The following SCHIP1 variants were observed in gnomAD, a reference collection of about 807,000 sequenced individuals.
SCHIP1 encodes the protein schwannomin interacting protein 1.
A neutral mutation model predicts 29.7 loss-of-function variants in SCHIP1; 8 were observed. The observed-to-expected ratio is 0.27, with a 90% CI of 0.16 to 0.49. The LOEUF is 0.49. Among genes scored for constraint, SCHIP1 ranks in the 20% least tolerant of loss-of-function variants. SCHIP1 has a pLI of 0.99. For missense variants in SCHIP1, 193 were observed against 294.6 expected (o/e 0.66, Z 2.52); for synonymous variants, 76 against 94.9 (o/e 0.80, Z 1.16).
chr3:159,667,439 G>A, the SCHIP1 span, among the ~76,000 whole-genome samples: 8 of 152,202 alleles, frequency 5.3e-5, no homozygotes, highest in Admixed American at 1.3e-4. Context: ...GAACCTGTAC[G>A]TGTTGTGGGT....
chr3:159,660,538 AT>A, the SCHIP1 span, among the ~76,000 whole-genome samples: 51 of 152,270 alleles, frequency 3.3e-4, no homozygotes, highest in Admixed American at 3.2e-3. Flanking sequence ...GTGTGGGTAT[AT>A]TTTATACACA....
At chr3:159,853,295 A>G (rs916957622) in intron 1 of SCHIP1, 1 of 619,364 alleles carries the variant, frequency 1.6e-6, no homozygotes, top group African/African-American at 1.9e-5. Flanking sequence ...TATGAGCAGT[A>G]ACCAGGGAAC....
the SCHIP1 span, among the ~76,000 whole-genome samples, chr3:159,374,798 G>A: frequency 6.6e-6 from 1 of 152,054 alleles, no homozygotes; most frequent in Non-Finnish European, 1.5e-5. Flanking sequence ...CTAGATCTGT[G>A]GACTAAAGTA....
chr3:159,448,120 C>A, the SCHIP1 span, among the ~76,000 whole-genome samples: 21 of 152,182 alleles, frequency 1.4e-4, no homozygotes, highest in Non-Finnish European at 2.5e-4. Context: ...TCTTCCTTGA[C>A]CACCTGATGA....
At chr3:159,407,240 C>G in the SCHIP1 span, among the ~76,000 whole-genome samples, 3 of 152,158 alleles carry the variant, frequency 2.0e-5, no homozygotes, top group African/African-American at 7.2e-5. Context: ...AGTAGCTATA[C>G]TTATATCAGA....
chr3:159,452,482 A>G, the SCHIP1 span, among the ~76,000 whole-genome samples: 1 of 152,172 alleles, frequency 6.6e-6, no homozygotes, highest in African/African-American at 2.4e-5. Flanking sequence ...ACATGAACTC[A>G]TTCTTTTTTA....
At chr3:159,563,140 G>A in the SCHIP1 span, among the ~76,000 whole-genome samples, 3 of 152,192 alleles carry the variant, frequency 2.0e-5, no homozygotes, top group Non-Finnish European at 2.9e-5. Context: ...TTCAGAGAAC[G>A]TCAGCTCCCT....
At chr3:159,340,586 A>G in the SCHIP1 span, among the ~76,000 whole-genome samples, 1 of 152,172 alleles carries the variant, frequency 6.6e-6, no homozygotes, top group Non-Finnish European at 1.5e-5. Context: ...ATAGAATTCT[A>G]TAAAGTAAAA....
At chr3:159,689,271 C>A in the SCHIP1 span, among the ~76,000 whole-genome samples, 1 of 152,236 alleles carries the variant, frequency 6.6e-6, no homozygotes, top group South Asian at 2.1e-4. Flanking sequence ...TCTCTTATTT[C>A]CTTGAACAGT....
chr3:159,315,346 C>T, the SCHIP1 span, among the ~76,000 whole-genome samples: 4 of 150,892 alleles, frequency 2.7e-5, no homozygotes, highest in Admixed American at 2.0e-4. Flanking sequence ...CTACAGGCAC[C>T]CACCACTATG....
the SCHIP1 span, among the ~76,000 whole-genome samples, chr3:159,454,638 A>T: frequency 6.6e-6 from 1 of 152,224 alleles, no homozygotes; most frequent in African/African-American, 2.4e-5. Flanking sequence ...TAGAATTTCC[A>T]TGGTCTCAGA....
upstream of SCHIP1, among the ~76,000 whole-genome samples, chr3:159,835,278 C>T (rs1446857732): frequency 6.6e-6 from 1 of 152,126 alleles, no homozygotes; most frequent in Admixed American, 6.5e-5. Flanking sequence ...AAGTCATATC[C>T]TCAGGCCATC....
chr3:159,814,488 A>G, the SCHIP1 span, among the ~76,000 whole-genome samples: 1 of 152,250 alleles, frequency 6.6e-6, no homozygotes, highest in Non-Finnish European at 1.5e-5. Context: ...CGGGTATAGC[A>G]GAGAGTAAAC....
the SCHIP1 span, among the ~76,000 whole-genome samples, chr3:159,591,863 C>T: frequency 1.3e-5 from 2 of 151,850 alleles, no homozygotes; most frequent in Non-Finnish European, 2.9e-5. Context: ...TGCAGCAAAC[C>T]ACCATGGCAC....
chr3:159,882,752 G>T (rs1716570277), intron 2 of SCHIP1, among the ~76,000 whole-genome samples: 1 of 152,174 alleles, frequency 6.6e-6, no homozygotes, highest in Non-Finnish European at 1.5e-5. Context: ...CTCAACTCCT[G>T]TGCATATTTT....
At chr3:159,788,779 A>T in the SCHIP1 span, among the ~76,000 whole-genome samples, 1 of 152,216 alleles carries the variant, frequency 6.6e-6, no homozygotes, top group Non-Finnish European at 1.5e-5. Context: ...ATATGAACAT[A>T]TGAACCCTGT....
the SCHIP1 span, among the ~76,000 whole-genome samples, chr3:159,551,462 G>GA: frequency 4.6e-5 from 7 of 151,898 alleles, no homozygotes; most frequent in Non-Finnish European, 8.8e-5. Context: ...AGTGCACTGA[G>GA]AAAAAACATC....
At chr3:159,674,584 T>C in the SCHIP1 span, among the ~76,000 whole-genome samples, 1 of 113,504 alleles carries the variant, frequency 8.8e-6, no homozygotes, top group African/African-American at 3.6e-5. Flanking sequence ...TGTTCTTACA[T>C]ATAGGGTCAG....
the SCHIP1 span, among the ~76,000 whole-genome samples, chr3:159,654,637 G>T: frequency 3.9e-5 from 6 of 151,960 alleles, no homozygotes; most frequent in Admixed American, 3.9e-4. Context: ...TGGAAGGAGG[G>T]TGTTGAGTGT....
Sources: allele counts gnomAD v4.1 joint callset (sites outside exome capture counted in the v4.1 genomes callset), GRCh38; gene constraint gnomAD v4.1.1; transcripts MANE v1.5; gene names NCBI Gene and HGNC (gene_info 2026-07-23, HGNC 2026-07-21).